The following SMAP1 variants were observed in gnomAD, a reference collection of about 807,000 sequenced individuals.
SMAP1 encodes small ArfGAP 1.
Under a neutral mutation model 58.5 loss-of-function variants are expected in SMAP1, and 24 were observed. That is an observed-to-expected ratio of 0.41 (90% confidence interval 0.30 to 0.58). The LOEUF (loss-of-function observed/expected upper bound fraction) is 0.58. Ranked by LOEUF, SMAP1 falls within the 20% of genes least tolerant of loss-of-function variation. SMAP1 has a pLI of 0.29. For synonymous variants in SMAP1, 216 were observed against 196.6 expected (o/e 1.10, Z -0.82); for missense variants, 563 against 566.3 (o/e 0.99, Z 0.06).
At chr6:70,761,361 T>C (rs1167933572) in intron 3 of SMAP1, among the ~76,000 whole-genome samples, 2 of 152,034 alleles carry the variant, frequency 1.3e-5, no homozygotes, top group Non-Finnish European at 2.9e-5. Context: ...TGAACTGTTA[T>C]TATAATAATG....
At chr6:70,803,204 T>C (rs925109046) in intron 6 of SMAP1, among the ~76,000 whole-genome samples, 2 of 152,212 alleles carry the variant, frequency 1.3e-5, no homozygotes, top group Non-Finnish European at 2.9e-5. Context: ...TATTCAGAGA[T>C]TCAACTTATT....
chr6:70,761,634 C>G (rs1270961476), intron 3 of SMAP1, among the ~76,000 whole-genome samples: 1 of 151,930 alleles, frequency 6.6e-6, no homozygotes, highest in Non-Finnish European at 1.5e-5. Flanking sequence ...CTACCATGGA[C>G]CCTATCTTTT....
At chr6:70,737,673 AC>A (rs1436318288) in intron 2 of SMAP1, among the ~76,000 whole-genome samples, 1 of 152,216 alleles carries the variant, frequency 6.6e-6, no homozygotes, top group African/African-American at 2.4e-5. Flanking sequence ...GGTGGCTTCC[AC>A]TATGCTAGGA....
At chr6:70,747,781 A>G (rs765350269) in intron 2 of SMAP1, among the ~76,000 whole-genome samples, 4 of 152,220 alleles carry the variant, frequency 2.6e-5, no homozygotes, top group African/African-American at 4.8e-5. Flanking sequence ...TGTCATAACA[A>G]TGTTTAATTG....
chr6:70,852,446 T>G lies in SMAP1; in HGVS notation c.665-94T>G, dbSNP rs562281427. The G allele has an allele frequency of 4.2e-5, 52 of 1,239,462 alleles. No individual in the cohort carries two copies. In the South Asian group the frequency reaches 1.3e-3, roughly 30 times the overall value. 76.8% of individuals were successfully genotyped at this position (1,239,462 alleles called of 1,614,324 possible). On this transcript the variant is annotated intron_variant, in intron 7 of 10. Coordinates refer to ENST00000370455, the MANE Select transcript of SMAP1 (RefSeq NM_001044305.3). ...GTTTTACCAACTTTTGAACTGTTCT[T>G]TTTTTTTAACCATATATCAATTTTT...
chr6:70,679,880 C>G (rs1251107711), intron 1 of SMAP1, among the ~76,000 whole-genome samples: 1 of 152,048 alleles, frequency 6.6e-6, no homozygotes, highest in African/African-American at 2.4e-5. Flanking sequence ...AACTGACAAG[C>G]TGATTCTAAA....
At chr6:70,755,087 T>G (rs561376140) in intron 3 of SMAP1, 22 bp downstream of exon 3, 1 of 1,558,668 alleles carries the variant, frequency 6.4e-7, no homozygotes, top group East Asian at 2.3e-5. Flanking sequence ...AACTTATTTG[T>G]TTTGAGTTTA....
chr6:70,765,521 G>GTCATATCAC lies in SMAP1; in HGVS notation c.339-7824_339-7823insTCACTCATA, dbSNP rs796702611. Among the ~76,000 whole-genome samples, 11 of 152,264 alleles carry GTCATATCAC rather than the reference G, an allele frequency of 7.2e-5. No individual in the cohort carries two copies. The South Asian group carries it at 2.3e-3, about 32-fold the overall frequency. ...ATTTTTAGTGAATCTATGAGTGATA[G>GTCATATCAC]TCATAGTGGTGGTGGGTCAAATCAA... is the stretch of plus-strand genomic sequence containing the variant. On this transcript the variant is annotated intron_variant, in intron 3 of 10. Coordinates refer to ENST00000370455, the MANE Select transcript of SMAP1 (RefSeq NM_001044305.3).
intron 6 of SMAP1, among the ~76,000 whole-genome samples, chr6:70,808,948 T>A (rs1769270204): frequency 6.9e-6 from 1 of 144,828 alleles, no homozygotes; most frequent in African/African-American, 2.6e-5. Context: ...GTGTACACAC[T>A]TACTGGTTTC....
chr6:70,809,247 G>A (rs776398913), intron 6 of SMAP1, among the ~76,000 whole-genome samples: 4 of 151,888 alleles, frequency 2.6e-5, no homozygotes, highest in Non-Finnish European at 5.9e-5. Flanking sequence ...TTCAAGATAC[G>A]GCAAGTATTT....
chr6:70,795,741 C>CTT (rs756434039), intron 5 of SMAP1, among the ~76,000 whole-genome samples: 2 of 144,556 alleles, frequency 1.4e-5, no homozygotes, highest in Non-Finnish European at 3.1e-5. Flanking sequence ...TTTTCTTTTT[C>CTT]TTTTTTTTTT....
chr6:70,769,000 C>T (rs10455709), intron 3 of SMAP1, among the ~76,000 whole-genome samples: 65,752 of 151,574 alleles, frequency 0.43, 14,599 homozygotes, highest in South Asian at 0.5. Context: ...GCCTTCATTT[C>T]GTTATGTACC....
In SMAP1 at chr6:70,760,877, A is replaced by AC; in HGVS notation, c.338+5812_338+5813insC. 2.0e-5 allele frequency among the ~76,000 whole-genome samples: 3 copies of AC among 152,218 alleles called. No homozygotes were observed. In the Middle Eastern group the frequency reaches 0.01, roughly 518 times the overall value. ...GTAATTTCTAATGTGGGATGTGGTT[A>AC]ATTATAGGCTGCATGTCCTAGTGCA... On this transcript the variant is annotated intron_variant, in intron 3 of 10. Transcript: ENST00000370455.
chr6:70,775,217 AGT>A (rs1767499369), intron 4 of SMAP1, among the ~76,000 whole-genome samples: 1 of 152,158 alleles, frequency 6.6e-6, no homozygotes, highest in African/African-American at 2.4e-5. Flanking sequence ...CTAACTTAAA[AGT>A]GTAATGTATT....
At chr6:70,841,411 G>A (rs1238946844) in intron 7 of SMAP1, among the ~76,000 whole-genome samples, 4 of 152,116 alleles carry the variant, frequency 2.6e-5, no homozygotes, top group East Asian at 3.9e-4. Flanking sequence ...TGGGGGGACC[G>A]CATCCTCTCA....
At chr6:70,767,600 G>C (rs1029221441) in intron 3 of SMAP1, among the ~76,000 whole-genome samples, 2 of 150,646 alleles carry the variant, frequency 1.3e-5, no homozygotes, top group African/African-American at 4.9e-5. Context: ...CATTGATTTT[G>C]TATCCTGAGA....
At chr6:70,721,244 T>C (rs1041574056) in intron 1 of SMAP1, among the ~76,000 whole-genome samples, 3 of 152,204 alleles carry the variant, frequency 2.0e-5, no homozygotes, top group African/African-American at 7.2e-5. Context: ...TCTTGAATGC[T>C]TTGCTGCTTA....
At chr6:70,828,439 C>T (rs1770226859) in intron 6 of SMAP1, among the ~76,000 whole-genome samples, 1 of 152,170 alleles carries the variant, frequency 6.6e-6, no homozygotes, top group Non-Finnish European at 1.5e-5. Context: ...TCAGGTTCTA[C>T]TGAGGCCGTA....
At position 70,793,644 on chromosome 6, in the gene SMAP1, T is replaced by TAGAGAGAGAGAGAG. The variant is rs70990334; in HGVS notation, c.495+1891_495+1904dup. Among the ~76,000 whole-genome samples the TAGAGAGAGAGAGAG allele has an allele frequency of 1.6e-3, 222 of 140,418 alleles. 1 individual carries two copies. The highest frequency in any genetic ancestry group is 3.6e-3 in the Middle Eastern group (1 of 278). 92.1% of individuals were successfully genotyped at this position (140,418 alleles called of 152,430 possible). A position where few individuals can be genotyped will look rare whatever the true frequency, so the allele number is the denominator to read the frequency against. On this transcript the variant is annotated intron_variant, in intron 5 of 10. Coordinates refer to ENST00000370455, the MANE Select transcript of SMAP1 (RefSeq NM_001044305.3). Reference sequence around the variant, plus strand: ...GGAAAGAAAAGGGGAGGAGAGTAGTTAGAGAGAGAGAGAGAGAGAGAGAGA... The same window carrying TAGAGAGAGAGAGAG: ...GGAAAGAAAAGGGGAGGAGAGTAGTTAGAGAGAGAGAGAGAGAGAGAGAGAGAGAGAGAGAGAGA...
Sources: allele counts gnomAD v4.1 joint callset (sites outside exome capture counted in the v4.1 genomes callset), GRCh38; gene constraint gnomAD v4.1.1; transcripts MANE v1.5; gene names NCBI Gene and HGNC (gene_info 2026-07-23, HGNC 2026-07-21).